Variants in TAF4B observed in about 807,000 individuals in gnomAD.
TAF4B encodes the protein TATA-box binding protein associated factor 4b, also known as transcription initiation factor TFIID subunit 4B.
TAF4B carries 38 observed loss-of-function variants against 86.4 expected under a neutral mutation model. The observed-to-expected ratio is 0.44, with a 90% CI of 0.34 to 0.58. TAF4B has a LOEUF of 0.58. TAF4B is among the 20% of genes least tolerant of loss of function. TAF4B has a pLI of 0.02. For synonymous variants in TAF4B, 388 were observed against 391.2 expected, an observed-to-expected ratio of 0.99 and a Z score of 0.10; for missense variants, 988 against 1,027.6, an observed-to-expected ratio of 0.96 and a Z score of 0.53.
chr18:26,241,216 G>C (rs1161860429), intron 1 of TAF4B, among the ~76,000 whole-genome samples: 1 of 152,154 alleles, frequency 6.6e-6, no homozygotes, highest in Non-Finnish European at 1.5e-5. Flanking sequence ...TCTGGTCCTG[G>C]AGTATTTTTG....
At chr18:26,232,058 C>T (rs146465476) in intron 1 of TAF4B, among the ~76,000 whole-genome samples, 2 of 152,282 alleles carry the variant, frequency 1.3e-5, no homozygotes, top group Non-Finnish European at 2.9e-5. Context: ...TTACAGAGTG[C>T]TGGTTGGTGC....
At chr18:26,332,427 T>G (rs965130965) in intron 12 of TAF4B, among the ~76,000 whole-genome samples, 1 of 152,218 alleles carries the variant, frequency 6.6e-6, no homozygotes, top group African/African-American at 2.4e-5. Context: ...CAGTGCACCC[T>G]CTACAGAGTG....
intron 13 of TAF4B, among the ~76,000 whole-genome samples, chr18:26,353,537 C>G (rs1324921164): frequency 6.6e-6 from 1 of 152,124 alleles, no homozygotes; most frequent in East Asian, 1.9e-4. Flanking sequence ...TCAAGACCAG[C>G]CTGGGCAACA....
At chr18:26,285,581 T>C (rs1055257009) in intron 6 of TAF4B, among the ~76,000 whole-genome samples, 2 of 152,164 alleles carry the variant, frequency 1.3e-5, no homozygotes, top group Admixed American at 6.5e-5. Context: ...TGATCTATTA[T>C]AGGGTTTAGA....
At chr18:26,360,156 C>T (rs1346667345) in intron 14 of TAF4B, among the ~76,000 whole-genome samples, 2 of 152,136 alleles carry the variant, frequency 1.3e-5, no homozygotes, top group Non-Finnish European at 2.9e-5. Context: ...ATTTGTTGCT[C>T]ATGATTTTTA....
chr18:26,385,056 A>T (rs963640429), intron 14 of TAF4B, among the ~76,000 whole-genome samples: 2 of 152,160 alleles, frequency 1.3e-5, no homozygotes, highest in Non-Finnish European at 2.9e-5. Context: ...AGAGGCCCGT[A>T]TGGAGTCACT....
chr18:26,311,701 G>A (rs1023351713), intron 9 of TAF4B, among the ~76,000 whole-genome samples: 2 of 152,180 alleles, frequency 1.3e-5, no homozygotes, highest in Non-Finnish European at 2.9e-5. Flanking sequence ...GAATCAGGAG[G>A]AGTTATTCTA....
intron 14 of TAF4B, among the ~76,000 whole-genome samples, chr18:26,382,683 G>GTTTATTCATATAAGTGATGTTATTTTCAC (rs1978296472): frequency 6.6e-6 from 1 of 152,100 alleles, no homozygotes; most frequent in Non-Finnish European, 1.5e-5. Context: ...TATTTTCACT[G>GTTTATTCATATAAGTGATGTTATTTTCAC]TTTATTCATA....
At chr18:26,285,749 C>A in intron 6 of TAF4B, 133 bp from the exon 7 acceptor site, 1 of 1,081,594 alleles carries the variant, frequency 9.2e-7, no homozygotes, top group Non-Finnish European at 1.3e-6. Flanking sequence ...GTAAGTGATA[C>A]AAGCTGTCTT....
chr18:26,319,391 T>G (rs1196091676), intron 10 of TAF4B, among the ~76,000 whole-genome samples: 2 of 151,510 alleles, frequency 1.3e-5, no homozygotes, highest in Non-Finnish European at 2.9e-5. Context: ...TCCCAGCTAC[T>G]TGGGAGGCTG....
intron 13 of TAF4B, among the ~76,000 whole-genome samples, chr18:26,338,424 G>A (rs2057110033): frequency 6.7e-6 from 1 of 148,938 alleles, no homozygotes; most frequent in African/African-American, 2.5e-5. Flanking sequence ...ACTGACTCCA[G>A]CCTGGGTGAC....
intron 10 of TAF4B, among the ~76,000 whole-genome samples, chr18:26,316,750 C>G (rs1458023583): frequency 6.6e-6 from 1 of 152,194 alleles, no homozygotes; most frequent in African/African-American, 2.4e-5. Context: ...TCCAGAAGAG[C>G]TGATTGTAAA....
At chr18:26,288,685 A>G (rs1185124691) in intron 7 of TAF4B, among the ~76,000 whole-genome samples, 2 of 152,154 alleles carry the variant, frequency 1.3e-5, no homozygotes, top group African/African-American at 4.8e-5. Flanking sequence ...AATGGATCTC[A>G]GACTAGAACC....
At chr18:26,255,650 A>C in intron 1 of TAF4B, 1 of 1,151,432 alleles carries the variant, frequency 8.7e-7, no homozygotes, top group South Asian at 1.4e-5. Context: ...TGGTCTTCAA[A>C]ATTTAGATGG....
At chr18:26,227,677 A>G (rs1269085529) in intron 1 of TAF4B, among the ~76,000 whole-genome samples, 1 of 152,090 alleles carries the variant, frequency 6.6e-6, no homozygotes, top group Non-Finnish European at 1.5e-5. Context: ...CGAATGAGGT[A>G]TGGTTTCGCT....
chr18:26,252,693 A>G (rs551119183), intron 1 of TAF4B, among the ~76,000 whole-genome samples: 65 of 152,220 alleles, frequency 4.3e-4, no homozygotes, highest in African/African-American at 1.5e-3. Context: ...ACAGTATTAC[A>G]GCGTTTGTGT....
intron 3 of TAF4B, among the ~76,000 whole-genome samples, chr18:26,272,913 T>G (rs966938447): frequency 2.0e-5 from 3 of 152,174 alleles, no homozygotes; most frequent in Non-Finnish European, 4.4e-5. Flanking sequence ...AAAATTGTAC[T>G]AACTTAGGTG....
chr18:26,389,506 A>C (rs1191924148), intron 14 of TAF4B, among the ~76,000 whole-genome samples: 3 of 152,190 alleles, frequency 2.0e-5, no homozygotes, highest in Non-Finnish European at 4.4e-5. Flanking sequence ...CAAGTCTTTC[A>C]CTCTCAAAAG....
intron 9 of TAF4B, chr18:26,304,870 A>G: frequency 8.1e-6 from 8 of 985,386 alleles, no homozygotes; most frequent in Non-Finnish European, 9.6e-6. Flanking sequence ...ATGTCACTAT[A>G]AGTATTTTCT....
Sources: allele counts gnomAD v4.1 joint callset (sites outside exome capture counted in the v4.1 genomes callset), GRCh38; gene constraint gnomAD v4.1.1; transcripts MANE v1.5; gene names NCBI Gene and HGNC (gene_info 2026-07-23, HGNC 2026-07-21).